Variants in RBM47 observed in about 807,000 individuals in gnomAD.
RBM47 encodes RNA binding motif protein 47, also known as RNA-binding protein 47.
In RBM47, 21 loss-of-function variants were observed where a neutral mutation model predicts 47.1. That is an observed-to-expected ratio of 0.45 (90% confidence interval 0.32 to 0.64). The LOEUF (loss-of-function observed/expected upper bound fraction) is 0.64. Among genes scored for constraint, RBM47 ranks in the 30% least tolerant of loss-of-function variants. RBM47 has a pLI of 0.05. For synonymous variants in RBM47, 375 were observed against 361.7 expected, an observed-to-expected ratio of 1.04 and a Z score of -0.42; for missense variants, 708 against 870.9, an observed-to-expected ratio of 0.81 and a Z score of 2.35.
At chr4:40,522,781 T>C (rs1432137212) in intron 2 of RBM47, among the ~76,000 whole-genome samples, 1 of 152,146 alleles carries the variant, frequency 6.6e-6, no homozygotes, top group Non-Finnish European at 1.5e-5. Context: ...CATGATCTTC[T>C]CTTTATCTAC....
intron 2 of RBM47, among the ~76,000 whole-genome samples, chr4:40,519,386 C>T (rs950055848): frequency 6.7e-6 from 1 of 150,040 alleles, no homozygotes; most frequent in African/African-American, 2.5e-5. Context: ...CAATCTCTGC[C>T]TCCCGGGTTC....
intron 2 of RBM47, among the ~76,000 whole-genome samples, chr4:40,499,699 C>T (rs992974622): frequency 6.6e-5 from 10 of 152,194 alleles, no homozygotes; most frequent in South Asian, 2.1e-4. Flanking sequence ...TGAGGCACCG[C>T]GCTCAGCCTG....
chr4:40,618,953 C>T (rs527333322), intron 1 of RBM47, among the ~76,000 whole-genome samples: 53 of 152,070 alleles, frequency 3.5e-4, no homozygotes, highest in African/African-American at 1.0e-3. Context: ...TCTCTGCCAT[C>T]ACAGCCAGCA....
intron 6 of RBM47, among the ~76,000 whole-genome samples, chr4:40,427,843 T>C (rs1477046817): frequency 6.6e-6 from 1 of 151,728 alleles, no homozygotes; most frequent in Non-Finnish European, 1.5e-5. Context: ...AATCAAATAG[T>C]AATTATAATT....
At chr4:40,448,972 T>C (rs190997303) in intron 3 of RBM47, among the ~76,000 whole-genome samples, 92 of 152,330 alleles carry the variant, frequency 6.0e-4, no homozygotes, top group African/African-American at 2.2e-3. Flanking sequence ...GCAAAAGGTT[T>C]CCAAGATTTG....
intron 4 of RBM47, chr4:40,436,868 G>C: frequency 1.5e-6 from 1 of 675,268 alleles, no homozygotes; most frequent in Non-Finnish European, 2.7e-6. Flanking sequence ...CTTGCAGGGT[G>C]AGTTTCTAGG....
chr4:40,478,188 T>C (rs1185169469), intron 2 of RBM47, among the ~76,000 whole-genome samples: 1 of 152,084 alleles, frequency 6.6e-6, no homozygotes, highest in African/African-American at 2.4e-5. Context: ...GATAATTTTG[T>C]ATTTTTAGTA....
intron 1 of RBM47, among the ~76,000 whole-genome samples, chr4:40,578,110 A>G (rs1445416108): frequency 6.6e-6 from 1 of 152,238 alleles, no homozygotes; most frequent in Non-Finnish European, 1.5e-5. Flanking sequence ...CAAAACAGAA[A>G]CTAAGTTGTT....
chr4:40,564,063 A>G (rs1045989486), intron 1 of RBM47, among the ~76,000 whole-genome samples: 6 of 152,306 alleles, frequency 3.9e-5, no homozygotes, highest in African/African-American at 1.4e-4. Context: ...AATGTAAAAA[A>G]CAATTTTTTT....
intron 1 of RBM47, among the ~76,000 whole-genome samples, chr4:40,593,300 A>C (rs1361514779): frequency 6.6e-6 from 1 of 151,716 alleles, no homozygotes; most frequent in Non-Finnish European, 1.5e-5. Context: ...ATACATTTTT[A>C]TAAAAACATT....
At chr4:40,585,845 A>G (rs1218015596) in intron 1 of RBM47, among the ~76,000 whole-genome samples, 1 of 152,238 alleles carries the variant, frequency 6.6e-6, no homozygotes. Flanking sequence ...GCAAACAGCA[A>G]GCACTCTAGA....
chr4:40,446,988 T>C (rs1381000785), intron 3 of RBM47, among the ~76,000 whole-genome samples: 1 of 152,140 alleles, frequency 6.6e-6, no homozygotes. Context: ...TCTCCACTGG[T>C]GATGTGGCTT....
intron 1 of RBM47, among the ~76,000 whole-genome samples, chr4:40,551,160 T>G (rs373103): frequency 2.0e-5 from 3 of 151,950 alleles, no homozygotes; most frequent in Non-Finnish European, 4.4e-5. Context: ...TGCTTCTACA[T>G]GAGAGGTATA....
chr4:40,562,597 T>C (rs1420616825), intron 1 of RBM47, among the ~76,000 whole-genome samples: 1 of 151,422 alleles, frequency 6.6e-6, no homozygotes, highest in African/African-American at 2.4e-5. Context: ...TCCCAAATAA[T>C]TGGGATTACA....
At chr4:40,562,622 C>T (rs569476831) in intron 1 of RBM47, among the ~76,000 whole-genome samples, 4 of 152,080 alleles carry the variant, frequency 2.6e-5, no homozygotes, top group Admixed American at 6.6e-5. Context: ...CGCGCCACCA[C>T]GCCCGGCTAA....
At chr4:40,545,996 C>A (rs1191329969) in intron 1 of RBM47, among the ~76,000 whole-genome samples, 1 of 152,128 alleles carries the variant, frequency 6.6e-6, no homozygotes, top group East Asian at 1.9e-4. Context: ...ATTTAAAATT[C>A]TTTCTGCAGA....
At chr4:40,607,002 A>G (rs1431887879) in intron 1 of RBM47, among the ~76,000 whole-genome samples, 1 of 152,028 alleles carries the variant, frequency 6.6e-6, no homozygotes. Flanking sequence ...CCGCAAACAT[A>G]TGTGTTACTT....
chr4:40,554,961 G>A (rs1421974344), intron 1 of RBM47, among the ~76,000 whole-genome samples: 2 of 151,686 alleles, frequency 1.3e-5, no homozygotes, highest in Non-Finnish European at 2.9e-5. Context: ...TTGAGACGTA[G>A]TTTCCCTCTT....
At chr4:40,555,343 A>G (rs142180112) in intron 1 of RBM47, among the ~76,000 whole-genome samples, 3,001 of 152,340 alleles carry the variant, frequency 0.02, 110 homozygotes, top group African/African-American at 0.069. Flanking sequence ...CTGGGATTAC[A>G]GGTGTGAGTC....
Sources: gnomAD v4.1 joint callset for allele counts (sites outside exome capture counted in the v4.1 genomes callset) on GRCh38, gnomAD v4.1.1 for gene constraint, MANE v1.5 for transcripts, NCBI Gene and HGNC (gene_info 2026-07-23, HGNC 2026-07-21) for gene names.